The following ZNF599 variants were observed in gnomAD, a reference collection of about 807,000 sequenced individuals.
ZNF599 encodes the protein zinc finger protein 599.
A neutral mutation model predicts 11.7 loss-of-function variants in ZNF599; 10 were observed. The observed-to-expected ratio is 0.86, with a 90% CI of 0.53 to 1.45. ZNF599 has a LOEUF of 1.45. Ranked by LOEUF, ZNF599 falls within the 40% of genes most tolerant of loss-of-function variation. ZNF599 has a pLI of 0.00. For missense variants in ZNF599, 688 were observed against 713.6 expected (o/e 0.96, Z 0.41); for synonymous variants, 232 against 253.2 (o/e 0.92, Z 0.79).
At chr19:34,784,313 A>G in the ZNF599 span, among the ~76,000 whole-genome samples, 2 of 152,074 alleles carry the variant, frequency 1.3e-5, no homozygotes, top group Admixed American at 1.3e-4. Context: ...TCCCCTTTTT[A>G]TAAGTATACC....
chr19:34,787,078 G>A, the ZNF599 span, among the ~76,000 whole-genome samples: 1 of 152,180 alleles, frequency 6.6e-6, no homozygotes, highest in Non-Finnish European at 1.5e-5. Flanking sequence ...GATCCTGGCT[G>A]CAGTTTGAGA....
the ZNF599 span, among the ~76,000 whole-genome samples, chr19:34,793,540 T>C: frequency 5.9e-5 from 9 of 152,342 alleles, no homozygotes; most frequent in African/African-American, 1.7e-4. Context: ...CACAAATCAG[T>C]TTCCATCAAA....
chr19:34,781,615 AG>A, the ZNF599 span, among the ~76,000 whole-genome samples: 1 of 152,180 alleles, frequency 6.6e-6, no homozygotes, highest in Non-Finnish European at 1.5e-5. Context: ...AGAATATAGG[AG>A]GCTTTAACAG....
chr19:34,778,636 T>G, the ZNF599 span, among the ~76,000 whole-genome samples: 1 of 152,182 alleles, frequency 6.6e-6, no homozygotes, highest in South Asian at 2.1e-4. Flanking sequence ...GAGAATATGT[T>G]AATAATGCAG....
At chr19:34,798,292 G>A in the ZNF599 span, among the ~76,000 whole-genome samples, 2 of 152,174 alleles carry the variant, frequency 1.3e-5, no homozygotes, top group African/African-American at 2.4e-5. Context: ...TGCTACTGGG[G>A]TACAATTTCT....
In ZNF599 at chr19:34,758,099, AAAG is replaced by A. The variant is rs2069082893; in HGVS notation, c.*932_*934del. The A allele has an allele frequency of 2.0e-5, 3 of 152,258 alleles. No individual in the cohort carries two copies. Among genetic ancestry groups the A allele is most frequent in the East Asian group, 1.9e-4 (1 of 5,188 alleles). 9.4% of individuals were successfully genotyped at this position (152,258 alleles called of 1,614,324 possible). A position where few individuals can be genotyped will look rare whatever the true frequency, so the allele number is the denominator to read the frequency against. ...GCTATAATTAAAATATTTTTATTAT[AAAG>A]AATAATTATAATTATTCAAGAAACA... On this transcript the variant is annotated 3_prime_UTR_variant, in exon 4 of 4. Coordinates refer to ENST00000329285, the MANE Select transcript of ZNF599 (RefSeq NM_001007248.3).
At chr19:34,779,948 A>T in the ZNF599 span, 1 of 153,718 alleles carries the variant, frequency 6.5e-6, no homozygotes, top group Non-Finnish European at 1.4e-5. Context: ...GCTAAGAGTG[A>T]CCTGATGCTG....
the ZNF599 span, among the ~76,000 whole-genome samples, chr19:34,789,575 A>AT: frequency 6.6e-6 from 1 of 151,954 alleles, no homozygotes; most frequent in Non-Finnish European, 1.5e-5. Context: ...TCTCATTGTA[A>AT]TTTTTATCTG....
chr19:34,777,401 A>G (rs8105863), upstream of ZNF599, among the ~76,000 whole-genome samples: 1 of 88,172 alleles, frequency 1.1e-5, no homozygotes, highest in Admixed American at 1.8e-4. Flanking sequence ...TATAATATAT[A>G]TTATATATAA....
the ZNF599 span, among the ~76,000 whole-genome samples, chr19:34,806,721 T>A: frequency 5.9e-5 from 9 of 152,210 alleles, no homozygotes; most frequent in Admixed American, 2.6e-4. Flanking sequence ...TTCCTGAACA[T>A]ATGACCCATA....
At chr19:34,777,119 T>G (rs1474119825), upstream of ZNF599, among the ~76,000 whole-genome samples, 1 of 150,212 alleles carries the variant, frequency 6.7e-6, no homozygotes, top group Non-Finnish European at 1.5e-5. Flanking sequence ...GATAAAAGCA[T>G]TATGAGGAAA....
the ZNF599 span, among the ~76,000 whole-genome samples, chr19:34,804,597 T>G: frequency 1.3e-5 from 2 of 152,252 alleles, no homozygotes; most frequent in African/African-American, 4.8e-5. Context: ...TCCCTAGAGT[T>G]CCAGACCTTT....
chr19:34,776,506 C>G (rs1342381355), upstream of ZNF599, among the ~76,000 whole-genome samples: 1 of 152,190 alleles, frequency 6.6e-6, no homozygotes, highest in African/African-American at 2.4e-5. Flanking sequence ...CAAAAATGTT[C>G]TGGAGTTTTA....
At chr19:34,776,663 G>GGCTC, upstream of ZNF599, among the ~76,000 whole-genome samples, 1 of 152,254 alleles carries the variant, frequency 6.6e-6, no homozygotes, top group South Asian at 2.1e-4. Context: ...CCCAAAGTGG[G>GGCTC]GCTCAGACTG....
upstream of ZNF599, among the ~76,000 whole-genome samples, chr19:34,775,865 G>A (rs537586790): frequency 1.1e-3 from 172 of 152,130 alleles, no homozygotes; most frequent in African/African-American, 4.1e-3. Flanking sequence ...CTATTACTGC[G>A]AAAATACAAA....
At chr19:34,802,171 G>T in the ZNF599 span, among the ~76,000 whole-genome samples, 1 of 152,214 alleles carries the variant, frequency 6.6e-6, no homozygotes, top group Non-Finnish European at 1.5e-5. Flanking sequence ...ATGTGTATCT[G>T]CACACCAATG....
the ZNF599 span, among the ~76,000 whole-genome samples, chr19:34,785,116 C>T: frequency 2.2e-4 from 34 of 151,792 alleles, no homozygotes; most frequent in African/African-American, 8.2e-4. Flanking sequence ...TTAAAATCTC[C>T]CCTACAACCA....
chr19:34,759,185 T>C lies in ZNF599; in HGVS notation c.1616A>G (p.Glu539Gly), dbSNP rs760037024. 6.2e-7 allele frequency: 1 copy of C among 1,614,234 alleles called. No individual in the cohort carries two copies. Among genetic ancestry groups the C allele is most frequent in the South Asian group, 1.1e-5 (1 of 91,086 alleles). The change falls in exon 4 of 4, where the codon GAA (glutamate) becomes GGA (glycine). Residue 539 changes from glutamate to glycine, a missense_variant. Transcript: ENST00000329285. The stretch of plus-strand genomic sequence containing the variant: ...GTTGTCACAGAAGGCTTTCTCACAT[T>C]CTTTGCATTCAAAAGGTTTTTCTCC... ...HTGEKPFECK[E>G]CEKAFCDNFA... is the part of the protein sequence containing the mutation.
At chr19:34,769,930 T>G (rs940140985) in intron 1 of ZNF599, among the ~76,000 whole-genome samples, 5 of 152,222 alleles carry the variant, frequency 3.3e-5, no homozygotes, top group African/African-American at 9.7e-5. Context: ...TCACATGCTG[T>G]GTTCAAGCAA....
Sources: gnomAD v4.1 joint callset for allele counts (sites outside exome capture counted in the v4.1 genomes callset) on GRCh38, gnomAD v4.1.1 for gene constraint, MANE v1.5 for transcripts, NCBI Gene and HGNC (gene_info 2026-07-23, HGNC 2026-07-21) for gene names.